AKAP3: variants seen among roughly 807,000 people sequenced by gnomAD.
AKAP3 encodes the protein A-kinase anchor protein 3.
Under a neutral mutation model 57.2 loss-of-function variants are expected in AKAP3, and 27 were observed. The ratio of observed to expected loss-of-function variants is 0.47; its 90% CI spans 0.35 to 0.65. The LOEUF (loss-of-function observed/expected upper bound fraction) is 0.65, where lower values mean the gene tolerates loss of function less well. Among genes scored for constraint, AKAP3 ranks in the 30% least tolerant of loss-of-function variants. The pLI is 0.01. For missense variants in AKAP3, 959 were observed against 1,040.0 expected, an observed-to-expected ratio of 0.92 and a Z score of 1.07; for synonymous variants, 334 against 392.3, an observed-to-expected ratio of 0.85 and a Z score of 1.76.
At chr12:4,635,880 A>G in intron 4 of AKAP3, 1 of 679,980 alleles carries the variant, frequency 1.5e-6, no homozygotes, top group South Asian at 1.6e-5. Flanking sequence ...CTGGCTAAGA[A>G]CCACCACTCT....
chr12:4,631,517 A>G, intron 4 of AKAP3: 1 of 581,578 alleles, frequency 1.7e-6, no homozygotes. Context: ...GTAAGCAGCA[A>G]TGTCTTCCCC....
At chr12:4,616,597 T>G (rs1341300018) in intron 5 of AKAP3, among the ~76,000 whole-genome samples, 3 of 152,118 alleles carry the variant, frequency 2.0e-5, no homozygotes, top group Non-Finnish European at 2.9e-5. Context: ...AAGAGAAATA[T>G]CCATGTGAGA....
chr12:4,644,120 T>C (rs1945669690), intron 2 of AKAP3, among the ~76,000 whole-genome samples: 1 of 152,228 alleles, frequency 6.6e-6, no homozygotes, highest in South Asian at 2.1e-4. Flanking sequence ...AAGATTTGTG[T>C]GTGTGTGTGT....
intron 2 of AKAP3, among the ~76,000 whole-genome samples, chr12:4,643,358 G>A (rs1945659552): frequency 6.6e-6 from 1 of 151,906 alleles, no homozygotes; most frequent in South Asian, 2.1e-4. Flanking sequence ...TGGAAAAGAA[G>A]GAAGATCTAA....
At chr12:4,630,814 C>T (rs921692423) in intron 4 of AKAP3, among the ~76,000 whole-genome samples, 2 of 152,188 alleles carry the variant, frequency 1.3e-5, no homozygotes, top group African/African-American at 4.8e-5. Flanking sequence ...GGTCAGTTTG[C>T]CTCCAATGGC....
intron 4 of AKAP3, chr12:4,635,330 C>A: frequency 4.0e-6 from 2 of 501,510 alleles, no homozygotes; most frequent in Non-Finnish European, 7.4e-6. Flanking sequence ...CTAGCTAGTG[C>A]AAACTGGAGG....
chr12:4,627,856 A>C lies in AKAP3; in HGVS notation c.1046T>G (p.Met349Arg). The C allele has an allele frequency of 6.2e-7, 1 of 1,614,162 alleles. No individual in the cohort carries two copies. Among genetic ancestry groups the C allele is most frequent in the Non-Finnish European group, 8.5e-7 (1 of 1,180,024 alleles). Reference sequence around the variant, plus strand: ...AGCCGAGACAAACTGTGTGTCAGTCATGAGGGTCCCTGTGACGCTGTGGAG... The same window carrying C: ...AGCCGAGACAAACTGTGTGTCAGTCCTGAGGGTCCCTGTGACGCTGTGGAG... ...RNLHSVTGTL[M>R]TDTQFVSAVK... Residue 349 changes from methionine (M) to arginine (R), a missense_variant, in exon 5 of 6, where the codon ATG becomes AGG. By Grantham distance (91) the Met-to-Arg change is moderately conservative. Transcript: ENST00000228850.
At chr12:4,630,937 T>C (rs1945490494) in intron 4 of AKAP3, among the ~76,000 whole-genome samples, 1 of 152,092 alleles carries the variant, frequency 6.6e-6, no homozygotes, top group Non-Finnish European at 1.5e-5. Context: ...TGTATGGGAG[T>C]CATTATTTTG....
chr12:4,616,229 C>T (rs1288884624), intron 5 of AKAP3, among the ~76,000 whole-genome samples: 1 of 152,158 alleles, frequency 6.6e-6, no homozygotes, highest in Non-Finnish European at 1.5e-5. Flanking sequence ...GCTTTCCATG[C>T]CCCATAGACC....
chr12:4,631,377 G>A (rs1274519476), intron 4 of AKAP3: 3 of 699,070 alleles, frequency 4.3e-6, no homozygotes, highest in East Asian at 5.4e-5. Context: ...CTTGATGTCC[G>A]GACAGGTGAG....
At chr12:4,644,500 A>C (rs1945675446) in intron 2 of AKAP3, among the ~76,000 whole-genome samples, 2 of 152,252 alleles carry the variant, frequency 1.3e-5, no homozygotes, top group South Asian at 2.1e-4. Context: ...ATAGCTGAGG[A>C]GATCTTGTCA....
intron 4 of AKAP3, 44 bp downstream of exon 4, chr12:4,638,057 C>T (rs772726519): frequency 6.9e-7 from 1 of 1,438,942 alleles, no homozygotes; most frequent in Non-Finnish European, 9.8e-7. Flanking sequence ...TAATGACAGC[C>T]CCCATATTCT....
intron 2 of AKAP3, among the ~76,000 whole-genome samples, chr12:4,644,314 A>G (rs1355105119): frequency 2.0e-5 from 3 of 152,194 alleles, no homozygotes; most frequent in African/African-American, 7.2e-5. Flanking sequence ...TGAGAAGATA[A>G]AAGTGTATGA....
At chr12:4,624,422 A>G (rs982170505) in intron 5 of AKAP3, among the ~76,000 whole-genome samples, 7 of 151,584 alleles carry the variant, frequency 4.6e-5, no homozygotes, top group South Asian at 2.1e-4. Flanking sequence ...CAGGGAAGGC[A>G]ATGGGATGGA....
Position 4,627,212 on chromosome 12 carries a change from G to C in AKAP3, c.1690C>G (p.Pro564Ala). 4 of 1,614,088 alleles carry C rather than the reference G, an allele frequency of 2.5e-6. No homozygotes were observed. The highest frequency in any genetic ancestry group is 3.4e-6 in the Non-Finnish European group (4 of 1,180,020). The change falls in exon 5 of 6, where the codon CCT (proline) becomes GCT (alanine). Residue 564 changes from proline to alanine, a missense_variant. Transcript: ENST00000228850. The part of the protein sequence containing the change: ...AGTTNFPANE[P>A]PVAPDESCLK... Reference sequence around the variant, plus strand: ...CAAGATTCATCGGGAGCTACAGGAGGTTCATTGGCAGGAAAGTTGGTGGTG... The same window carrying C: ...CAAGATTCATCGGGAGCTACAGGAGCTTCATTGGCAGGAAAGTTGGTGGTG...
Position 4,647,672 on chromosome 12 carries a change from C to G in AKAP3, c.-245+1073G>C, listed in dbSNP as rs111903965. On this transcript the variant is annotated intron_variant, in intron 1 of 5. Transcript: ENST00000228850. ...GACAGTCAGGATCTGTTGATCCGAA[C>G]AAGGAAAGTATGTTAGTATCCATAT... Among the ~76,000 whole-genome samples, 997 of 152,246 alleles carry G rather than the reference C, an allele frequency of 6.5e-3. 19 individuals are homozygous for G. Among genetic ancestry groups the G allele is most frequent in the African/African-American group, 0.022 (927 of 41,538 alleles).
chr12:4,627,875 T>A lies in AKAP3; in HGVS notation c.1027A>T (p.Ser343Cys). Residue 343 changes from serine (S) to cysteine (C), a missense_variant, in exon 5 of 6, where the codon AGC becomes TGC. Physicochemically the swap from Ser to Cys is moderately radical, Grantham distance 112. Transcript: ENST00000228850. ...LIDSFLRNLH[S>C]VTGTLMTDTQ... is the part of the protein sequence containing the mutation. ...TCAGTCATGAGGGTCCCTGTGACGC[T>A]GTGGAGATTCCTCAAGAAGGAGTCG... The A allele has an allele frequency of 6.2e-7, 1 of 1,614,148 alleles. No homozygotes were observed. The highest frequency in any genetic ancestry group is 2.2e-5 in the East Asian group (1 of 44,876).
intron 4 of AKAP3, among the ~76,000 whole-genome samples, chr12:4,632,769 T>C (rs888215899): frequency 6.6e-6 from 1 of 152,086 alleles, no homozygotes; most frequent in African/African-American, 2.4e-5. Context: ...GCCTCCCGAG[T>C]AGCTGGGACT....
In AKAP3 at chr12:4,627,967, G is replaced by A; in HGVS notation, c.935C>T (p.Thr312Ile). 6.2e-7 allele frequency: 1 copy of A among 1,614,070 alleles called. No homozygotes were observed. Among genetic ancestry groups the A allele is most frequent in the Non-Finnish European group, 8.5e-7 (1 of 1,180,000 alleles). The change falls in exon 5 of 6, where the codon ACC (threonine) becomes ATC (isoleucine). Residue 312 changes from threonine to isoleucine, a missense_variant. Thr to Ile is a moderately conservative substitution (Grantham distance 89). Coordinates refer to ENST00000228850, the MANE Select transcript of AKAP3 (RefSeq NM_001278309.2). ...CTTCTTCAGTAGGATGGTGGCAATG[G>A]TTGTGTCTTTCACTTGGATCTTCAG... is the stretch of plus-strand genomic sequence containing the variant. ...KTLKIQVKDT[T>I]IATILLKKVL...
Sources: allele counts gnomAD v4.1 joint callset (sites outside exome capture counted in the v4.1 genomes callset), GRCh38; gene constraint gnomAD v4.1.1; transcripts MANE v1.5; gene names NCBI Gene and HGNC (gene_info 2026-07-23, HGNC 2026-07-21).